Variants in ARPC1B observed in about 807,000 individuals in gnomAD.
ARPC1B encodes the protein actin-related protein 2/3 complex subunit 1B.
A neutral mutation model predicts 46.0 loss-of-function variants in ARPC1B; 29 were observed. The ratio of observed to expected loss-of-function variants is 0.63; its 90% CI spans 0.47 to 0.86. The LOEUF (loss-of-function observed/expected upper bound fraction) is 0.86, where lower values mean the gene tolerates loss of function less well. Among genes scored for constraint, ARPC1B ranks in the 40% least tolerant of loss-of-function variants. ARPC1B has a pLI of 0.00. For missense variants in ARPC1B, 469 were observed against 529.4 expected, an observed-to-expected ratio of 0.89 and a Z score of 1.12; for synonymous variants, 201 against 213.9, an observed-to-expected ratio of 0.94 and a Z score of 0.53.
At chr7:99,383,141 G>A (rs535332404) in intron 1 of ARPC1B, among the ~76,000 whole-genome samples, 1 of 152,262 alleles carries the variant, frequency 6.6e-6, no homozygotes, top group South Asian at 2.1e-4. Context: ...CACCGTGCCT[G>A]GCCTCATTCC....
At chr7:99,379,111 T>A (rs1794129714) in intron 1 of ARPC1B, among the ~76,000 whole-genome samples, 1 of 152,126 alleles carries the variant, frequency 6.6e-6, no homozygotes, top group Non-Finnish European at 1.5e-5. Context: ...TTAGTGTTAT[T>A]CTGTTCTATT....
At position 99,388,022 on chromosome 7, in the gene ARPC1B, C is replaced by T. The variant is rs2150893944; in HGVS notation, c.170-17C>T. The T allele has an allele frequency of 1.3e-6, 2 of 1,550,076 alleles. No individual in the cohort carries two copies. Among genetic ancestry groups the T allele is most frequent in the African/African-American group, 1.4e-5 (1 of 73,804 alleles). ...TGAGTGTCATCAGCCTCCTGTGTTC[C>T]CTCCATCCCCCCACAGGCATCGACT... On this transcript the variant is annotated splice_polypyrimidine_tract_variant and intron_variant, in intron 3 of 9. Transcript: ENST00000646101.
chr7:99,383,616 C>G (rs1253959327), intron 1 of ARPC1B, among the ~76,000 whole-genome samples: 1 of 152,184 alleles, frequency 6.6e-6, no homozygotes, highest in East Asian at 1.9e-4. Flanking sequence ...GTGGAAGGTG[C>G]TGCAGTTTCC....
intron 4 of ARPC1B, 60 bp from the exon 5 acceptor site, chr7:99,389,845 A>AG: frequency 7.1e-7 from 1 of 1,406,788 alleles, no homozygotes; most frequent in Non-Finnish European, 1.0e-6. Flanking sequence ...CCTGGTGCTG[A>AG]GGTCCATGAG....
At chr7:99,391,280 T>C in intron 7 of ARPC1B, 27 bp downstream of exon 7, 1 of 1,609,072 alleles carries the variant, frequency 6.2e-7, no homozygotes. Context: ...GGAGGGAGGG[T>C]GTGTGGTCAC....
At chr7:99,382,827 ACATT>A (rs1248576649) in intron 1 of ARPC1B, among the ~76,000 whole-genome samples, 4 of 143,344 alleles carry the variant, frequency 2.8e-5, no homozygotes, top group Admixed American at 7.0e-5. Flanking sequence ...TTTTTCACAC[ACATT>A]CATTCCTAAC....
At chr7:99,388,979 C>T (rs1794489775) in intron 4 of ARPC1B, 1 of 145,888 alleles carries the variant, frequency 6.9e-6, no homozygotes, top group Admixed American at 6.9e-5. Context: ...CTCTGTCGTC[C>T]AGGCTGGAGT....
At position 99,375,788 on chromosome 7, in the gene ARPC1B, C is replaced by A. The variant is rs146399282; in HGVS notation, c.-14+1007C>A. 8.1e-3 allele frequency among the ~76,000 whole-genome samples: 1,233 copies of A among 152,228 alleles called. 15 individuals are homozygous for A. Among genetic ancestry groups the A allele is most frequent in the African/African-American group, 0.027 (1,124 of 41,532 alleles). ...AATAAATAAATAAAATGTAGCCAGGCGCTGTGGCTCATGCCTGTAATCCCA... is the reference window on the plus strand; with the variant it reads ...AATAAATAAATAAAATGTAGCCAGGAGCTGTGGCTCATGCCTGTAATCCCA... On this transcript the variant is annotated intron_variant, in intron 1 of 9. Transcript: ENST00000646101.
Position 99,394,629 on chromosome 7 carries a change from G to A in ARPC1B, c.*140G>A. The A allele has an allele frequency of 2.0e-6, 3 of 1,472,426 alleles. No homozygotes were observed. Among genetic ancestry groups the A allele is most frequent in the Non-Finnish European group, 2.7e-6 (3 of 1,110,912 alleles). 91.2% of individuals were successfully genotyped at this position (1,472,426 alleles called of 1,614,324 possible). A position where few individuals can be genotyped will look rare whatever the true frequency, so the allele number is the denominator to read the frequency against. On this transcript the variant is annotated 3_prime_UTR_variant, in exon 10 of 10. Transcript: ENST00000646101. Reference sequence around the variant, plus strand: ...GGGGCTGCTCCCTCAAAAAGGGAGGGGACAGATGGGGAGCTTTTCTTACCT... The same window carrying A: ...GGGGCTGCTCCCTCAAAAAGGGAGGAGACAGATGGGGAGCTTTTCTTACCT...
chr7:99,388,342 A>G, intron 4 of ARPC1B, 81 bp downstream of exon 4: 1 of 1,386,346 alleles, frequency 7.2e-7, no homozygotes, highest in East Asian at 2.4e-5. Flanking sequence ...ACCAAATGGG[A>G]TGTCAGGACC....
At chr7:99,387,465 C>A (rs1004136727) in intron 3 of ARPC1B, among the ~76,000 whole-genome samples, 1 of 151,908 alleles carries the variant, frequency 6.6e-6, no homozygotes, top group East Asian at 2.0e-4. Context: ...AGGCCGGGTG[C>A]GGTGGCTTGC....
rs1045012 is a variant in ARPC1B at position 99,386,731 on chromosome 7, G to C, written c.111G>C (p.Lys37Asn). Reference sequence around the variant, plus strand: ...ACCATGAGGTGCATATCTATGAAAAGAGCGGTGCCAAATGGACCAAGGTGC... The same window carrying C: ...ACCATGAGGTGCATATCTATGAAAACAGCGGTGCCAAATGGACCAAGGTGC... ...PNNHEVHIYEKSGAKWTKVHE... is the reference protein window; with the variant it reads ...PNNHEVHIYENSGAKWTKVHE... The change falls in exon 3 of 10, where the codon AAG becomes AAC. Residue 37 changes from lysine (K) to asparagine (N), a missense_variant. Transcript: ENST00000646101. 77,564 of 1,613,932 alleles carry C rather than the reference G, an allele frequency of 0.048. 2,558 individuals carry two copies. Among genetic ancestry groups the C allele is most frequent in the African/African-American group, 0.16 (12,124 of 74,994 alleles).
chr7:99,380,130 A>G (rs188680557), intron 1 of ARPC1B, among the ~76,000 whole-genome samples: 18 of 152,262 alleles, frequency 1.2e-4, no homozygotes, highest in South Asian at 2.1e-4. Flanking sequence ...GAGCAGGGTA[A>G]TTGGCAGGCG....
At chr7:99,387,942 C>T (rs975391937) in intron 3 of ARPC1B, 97 bp from the exon 4 acceptor site, 2 of 791,512 alleles carry the variant, frequency 2.5e-6, no homozygotes, top group Non-Finnish European at 4.3e-6. Flanking sequence ...CAGCTTCCAC[C>T]TGGATGGTGG....
intron 7 of ARPC1B, chr7:99,392,259 C>T (rs189664168): frequency 2.7e-5 from 5 of 184,594 alleles, no homozygotes; most frequent in Admixed American, 1.8e-4. Context: ...TGTGCGGTTC[C>T]TCCAGGTGTC....
intron 7 of ARPC1B, 85 bp downstream of exon 7, chr7:99,391,338 C>A: frequency 7.5e-7 from 1 of 1,336,128 alleles, no homozygotes. Flanking sequence ...TCCCTCCTTT[C>A]TCCTGCCTCC....
At chr7:99,385,833 C>T (rs1238524551) in intron 2 of ARPC1B, 55 bp downstream of exon 2, 1 of 1,538,276 alleles carries the variant, frequency 6.5e-7, no homozygotes, top group East Asian at 2.3e-5. Context: ...GGGATGGGGA[C>T]CAGCCAGAGC....
chr7:99,391,131 G>A, intron 6 of ARPC1B, 32 bp downstream of exon 6: 1 of 1,612,858 alleles, frequency 6.2e-7, no homozygotes. Context: ...GGGAGGAGGT[G>A]AGTGCAGAGG....
At chr7:99,382,971 A>C (rs976057510) in intron 1 of ARPC1B, among the ~76,000 whole-genome samples, 1 of 150,932 alleles carries the variant, frequency 6.6e-6, no homozygotes, top group Non-Finnish European at 1.5e-5. Flanking sequence ...CAGCCTCCCA[A>C]GTAGCTGGGA....
Sources: allele counts gnomAD v4.1 joint callset (sites outside exome capture counted in the v4.1 genomes callset), GRCh38; gene constraint gnomAD v4.1.1; transcripts MANE v1.5; gene names NCBI Gene and HGNC (gene_info 2026-07-23, HGNC 2026-07-21).